KAZN: variants seen among roughly 807,000 people sequenced by gnomAD.
KAZN encodes the protein kazrin, periplakin interacting protein.
KAZN carries 40 observed loss-of-function variants against 87.4 expected under a neutral mutation model. The observed-to-expected ratio is 0.46, with a 90% CI of 0.36 to 0.60. KAZN has a LOEUF of 0.60. Ranked by LOEUF, KAZN falls within the 20% of genes least tolerant of loss-of-function variation. The pLI is 0.00. For synonymous variants in KAZN, 466 were observed against 458.3 expected (o/e 1.02, Z -0.22); for missense variants, 898 against 1,073.9 (o/e 0.84, Z 2.29).
At chr1:14,317,385 G>T (rs924011127) in intron 2 of KAZN, among the ~76,000 whole-genome samples, 1 of 151,746 alleles carries the variant, frequency 6.6e-6, no homozygotes, top group African/African-American at 2.4e-5. Context: ...ATTTTTACCT[G>T]CCTTTGACTT....
At chr1:14,497,335 TAAAAAAAAA>T (rs70997150) in intron 2 of KAZN, among the ~76,000 whole-genome samples, 1 of 76,418 alleles carries the variant, frequency 1.3e-5, no homozygotes, top group African/African-American at 4.9e-5. Context: ...ATTCTGTTAC[TAAAAAAAAA>T]AAAAAAAAAA....
chr1:14,864,890 T>C (rs1448048595), intron 1 of KAZN, among the ~76,000 whole-genome samples: 1 of 152,148 alleles, frequency 6.6e-6, no homozygotes, highest in Non-Finnish European at 1.5e-5. Flanking sequence ...ATGGTTGTGA[T>C]GTTGTGAGAT....
chr1:14,965,610 A>G (rs1056344260), intron 2 of KAZN, among the ~76,000 whole-genome samples: 1 of 152,242 alleles, frequency 6.6e-6, no homozygotes. Flanking sequence ...CCAAATGGAG[A>G]TACCATAATT....
intron 1 of KAZN, among the ~76,000 whole-genome samples, chr1:13,964,958 T>C (rs1453705105): frequency 6.6e-6 from 1 of 151,836 alleles, no homozygotes; most frequent in Non-Finnish European, 1.5e-5. Context: ...GCAAGTGGTG[T>C]AGATAAGAGG....
At chr1:14,321,707 G>A (rs1054641849) in intron 2 of KAZN, among the ~76,000 whole-genome samples, 2 of 152,144 alleles carry the variant, frequency 1.3e-5, no homozygotes, top group African/African-American at 4.8e-5. Flanking sequence ...AACCTGCCAG[G>A]AATTTCAAAT....
intron 2 of KAZN, among the ~76,000 whole-genome samples, chr1:14,554,420 C>A (rs1673735311): frequency 6.6e-6 from 1 of 152,122 alleles, no homozygotes; most frequent in African/African-American, 2.4e-5. Context: ...TTTAGTTGCC[C>A]CCTGATGGAC....
At chr1:14,568,591 C>T (rs551674450) in intron 2 of KAZN, among the ~76,000 whole-genome samples, 23 of 152,092 alleles carry the variant, frequency 1.5e-4, no homozygotes, top group Non-Finnish European at 2.8e-4. Context: ...GAAAAATCTG[C>T]CCCCATGATT....
chr1:14,074,274 T>TCCCAGCC (rs1283580353), intron 1 of KAZN, among the ~76,000 whole-genome samples: 4 of 152,072 alleles, frequency 2.6e-5, no homozygotes, highest in African/African-American at 4.8e-5. Context: ...CGTCTTTGGC[T>TCCCAGCC]CCCAGCCCCC....
chr1:14,740,351 A>C (rs1644054856), intron 1 of KAZN, among the ~76,000 whole-genome samples: 1 of 152,150 alleles, frequency 6.6e-6, no homozygotes, highest in African/African-American at 2.4e-5. Context: ...GTGGAATTTG[A>C]CTTCCAGTCA....
chr1:14,990,517 C>T (rs1257384822), intron 2 of KAZN, among the ~76,000 whole-genome samples: 3 of 152,206 alleles, frequency 2.0e-5, no homozygotes, highest in Non-Finnish European at 4.4e-5. Context: ...AGCCACCGCA[C>T]CCAGCCTACC....
chr1:14,574,538 C>T (rs1289524799), intron 2 of KAZN, among the ~76,000 whole-genome samples: 6 of 152,266 alleles, frequency 3.9e-5, no homozygotes, highest in Non-Finnish European at 7.4e-5. Flanking sequence ...TCTTGTCTGC[C>T]GCCATGTAAG....
chr1:14,044,453 T>A (rs1304012064), intron 1 of KAZN, among the ~76,000 whole-genome samples: 1 of 152,116 alleles, frequency 6.6e-6, no homozygotes, highest in Non-Finnish European at 1.5e-5. Flanking sequence ...TATATTCTAC[T>A]CTGTAAAATG....
At chr1:14,801,069 C>T (rs79802842) in intron 1 of KAZN, among the ~76,000 whole-genome samples, 5,668 of 149,200 alleles carry the variant, frequency 0.038, 176 homozygotes, top group South Asian at 0.096. Flanking sequence ...AAAAGAAATA[C>T]GTGGGAGAAA....
chr1:14,296,054 G>A (rs140461612), intron 2 of KAZN, among the ~76,000 whole-genome samples: 18 of 152,076 alleles, frequency 1.2e-4, no homozygotes, highest in Admixed American at 2.0e-4. Flanking sequence ...TACCTCATAG[G>A]GTTGCCATAA....
At chr1:15,040,339 A>G (rs942326446) in intron 3 of KAZN, among the ~76,000 whole-genome samples, 2 of 152,178 alleles carry the variant, frequency 1.3e-5, no homozygotes, top group Non-Finnish European at 2.9e-5. Context: ...GGCCCACCCA[A>G]CTTCTCCAGC....
intron 1 of KAZN, among the ~76,000 whole-genome samples, chr1:14,765,803 G>A (rs183272000): frequency 7.2e-5 from 11 of 152,330 alleles, no homozygotes; most frequent in African/African-American, 2.6e-4. Flanking sequence ...TGTGGTCTTG[G>A]TGGAACACAG....
chr1:14,349,793 G>A (rs541260127), intron 2 of KAZN, among the ~76,000 whole-genome samples: 2 of 152,268 alleles, frequency 1.3e-5, no homozygotes, highest in African/African-American at 4.8e-5. Flanking sequence ...GCAGGCTAAA[G>A]AGCATGGATC....
chr1:14,596,308 G>GCA (rs56758780), upstream of KAZN, among the ~76,000 whole-genome samples: 439 of 150,298 alleles, frequency 2.9e-3, 3 homozygotes, highest in South Asian at 0.015. Context: ...ACACGTGTGC[G>GCA]CACACACACA....
intron 2 of KAZN, among the ~76,000 whole-genome samples, chr1:14,229,628 T>C (rs949023808): frequency 1.3e-5 from 2 of 152,246 alleles, no homozygotes; most frequent in Admixed American, 1.3e-4. Flanking sequence ...GAAAATCTTA[T>C]TCATATAAGG....
Sources: gnomAD v4.1 joint callset for allele counts (sites outside exome capture counted in the v4.1 genomes callset) on GRCh38, gnomAD v4.1.1 for gene constraint, MANE v1.5 for transcripts, NCBI Gene and HGNC (gene_info 2026-07-23, HGNC 2026-07-21) for gene names.